The following MSRA variants were observed in gnomAD, a reference collection of about 807,000 sequenced individuals.
MSRA encodes methionine sulfoxide reductase A.
MSRA carries 54 observed loss-of-function variants against 31.3 expected under a neutral mutation model. That is an observed-to-expected ratio of 1.73 (90% confidence interval 1.39 to 2.17). The LOEUF is 2.17. Ranked by LOEUF, MSRA falls within the 30% of genes most tolerant of loss-of-function variation. The pLI is 0.00. For synonymous variants in MSRA, 169 were observed against 116.5 expected (o/e 1.45, Z -2.90); for missense variants, 507 against 300.9 (o/e 1.69, Z -5.07).
intron 5 of MSRA, among the ~76,000 whole-genome samples, chr8:10,351,348 G>C (rs1055751026): frequency 3.3e-5 from 5 of 149,430 alleles, no homozygotes; most frequent in African/African-American, 1.2e-4. Context: ...CTGCCTCTTG[G>C]GTTCAAGCGA....
intron 1 of MSRA, among the ~76,000 whole-genome samples, chr8:10,106,140 C>G (rs1585158408): frequency 6.6e-6 from 1 of 152,200 alleles, no homozygotes; most frequent in East Asian, 1.9e-4. Context: ...CAGATACTAA[C>G]AGCTGAGGGA....
At chr8:10,394,380 A>G (rs1275625313) in intron 5 of MSRA, among the ~76,000 whole-genome samples, 1 of 152,216 alleles carries the variant, frequency 6.6e-6, no homozygotes, top group Non-Finnish European at 1.5e-5. Context: ...ACCCCACCCC[A>G]GCTTTTCTTT....
At chr8:10,087,123 C>G (rs1007711580) in intron 1 of MSRA, among the ~76,000 whole-genome samples, 2 of 152,182 alleles carry the variant, frequency 1.3e-5, no homozygotes, top group Non-Finnish European at 2.9e-5. Context: ...AGTGTCTTAT[C>G]TTCCTACTAG....
intron 5 of MSRA, among the ~76,000 whole-genome samples, chr8:10,359,754 A>T (rs1198224520): frequency 6.6e-6 from 1 of 151,932 alleles, no homozygotes; most frequent in African/African-American, 2.4e-5. Flanking sequence ...CAGATGGAGG[A>T]TGGTCTCAGA....
At chr8:10,169,685 A>G (rs755918173) in intron 1 of MSRA, among the ~76,000 whole-genome samples, 12 of 152,244 alleles carry the variant, frequency 7.9e-5, no homozygotes, top group Non-Finnish European at 1.6e-4. Flanking sequence ...AATCTTGCCC[A>G]TGTTCATTCC....
intron 5 of MSRA, among the ~76,000 whole-genome samples, chr8:10,421,033 C>T (rs1363370207): frequency 1.3e-5 from 2 of 152,140 alleles, no homozygotes; most frequent in Non-Finnish European, 2.9e-5. Context: ...AAGAGATGGC[C>T]TGTGAAATAA....
chr8:10,398,578 C>T (rs1807248130), intron 5 of MSRA, among the ~76,000 whole-genome samples: 1 of 152,184 alleles, frequency 6.6e-6, no homozygotes, highest in Non-Finnish European at 1.5e-5. Context: ...GGCAGGTGCC[C>T]CACGCTCTGT....
intron 1 of MSRA, among the ~76,000 whole-genome samples, chr8:10,080,829 G>A (rs954641502): frequency 5.3e-5 from 8 of 151,972 alleles, no homozygotes; most frequent in Non-Finnish European, 1.0e-4. Flanking sequence ...GTGAGCCACC[G>A]TGCCTGGCCT....
intron 5 of MSRA, among the ~76,000 whole-genome samples, chr8:10,355,691 A>G (rs768301868): frequency 1.3e-5 from 2 of 152,118 alleles, no homozygotes; most frequent in African/African-American, 4.8e-5. Context: ...GGATCCTAGT[A>G]GCTTTCCTGG....
intron 5 of MSRA, among the ~76,000 whole-genome samples, chr8:10,411,719 AAAAAT>A (rs1181522769): frequency 1.3e-5 from 2 of 152,266 alleles, no homozygotes; most frequent in Non-Finnish European, 2.9e-5. Context: ...AGTGAATAAA[AAAAAT>A]AAAGTTGCTA....
chr8:10,303,109 G>A (rs2129126453), intron 4 of MSRA, among the ~76,000 whole-genome samples: 1 of 152,328 alleles, frequency 6.6e-6, no homozygotes, highest in Admixed American at 6.5e-5. Context: ...GATGATAAGA[G>A]CTCCAAAATT....
intron 1 of MSRA, among the ~76,000 whole-genome samples, chr8:10,181,405 C>A (rs190236161): frequency 6.7e-6 from 1 of 148,744 alleles, no homozygotes; most frequent in African/African-American, 2.5e-5. Context: ...AGCTTGTGCA[C>A]ACGTACCCTA....
intron 5 of MSRA, among the ~76,000 whole-genome samples, chr8:10,425,984 AC>A (rs1156661421): frequency 3.3e-5 from 5 of 151,622 alleles, no homozygotes; most frequent in Non-Finnish European, 5.9e-5. Flanking sequence ...AGCAGATGGC[AC>A]CCCCCACAGA....
intron 3 of MSRA, chr8:10,250,986 G>T (rs1305030628): frequency 6.6e-6 from 1 of 152,492 alleles, no homozygotes; most frequent in Non-Finnish European, 1.5e-5. Context: ...TGAACATGAT[G>T]GATCATGAAG....
At chr8:10,160,936 A>G (rs1011835138) in intron 1 of MSRA, among the ~76,000 whole-genome samples, 2 of 152,218 alleles carry the variant, frequency 1.3e-5, no homozygotes, top group African/African-American at 4.8e-5. Flanking sequence ...TTATGACTGC[A>G]TTAGTGCAGC....
intron 3 of MSRA, among the ~76,000 whole-genome samples, chr8:10,268,367 A>G (rs1222490326): frequency 6.9e-6 from 1 of 145,856 alleles, no homozygotes; most frequent in Non-Finnish European, 1.6e-5. Context: ...AGTAGAGGAG[A>G]TATGGGGAGA....
chr8:10,360,065 C>T (rs1488544492), intron 5 of MSRA, among the ~76,000 whole-genome samples: 1 of 152,166 alleles, frequency 6.6e-6, no homozygotes, highest in East Asian at 1.9e-4. Context: ...ATTGAGAGTC[C>T]CTGGGGACAG....
At chr8:10,399,878 T>G (rs955352173) in intron 5 of MSRA, among the ~76,000 whole-genome samples, 1 of 152,064 alleles carries the variant, frequency 6.6e-6, no homozygotes, top group Admixed American at 6.5e-5. Flanking sequence ...AGCTCTGCTT[T>G]AGATGGATGG....
At chr8:10,138,004 C>T (rs1802415768) in intron 1 of MSRA, among the ~76,000 whole-genome samples, 1 of 152,232 alleles carries the variant, frequency 6.6e-6, no homozygotes, top group Non-Finnish European at 1.5e-5. Flanking sequence ...ACAGGTAATG[C>T]ATAAGGCAGC....
Sources: gnomAD v4.1 joint callset for allele counts (sites outside exome capture counted in the v4.1 genomes callset) on GRCh38, gnomAD v4.1.1 for gene constraint, MANE v1.5 for transcripts, NCBI Gene and HGNC (gene_info 2026-07-23, HGNC 2026-07-21) for gene names.